ESR1: variants seen among roughly 807,000 people sequenced by gnomAD.
The protein encoded by ESR1 is estrogen receptor.
In ESR1, 12 loss-of-function variants were observed where a neutral mutation model predicts 52.7. The ratio of observed to expected loss-of-function variants is 0.23; its 90% CI spans 0.15 to 0.37. The LOEUF (loss-of-function observed/expected upper bound fraction) is 0.37. Among genes scored for constraint, ESR1 ranks in the 10% least tolerant of loss-of-function variants. ESR1 has a pLI of 1.00. For synonymous variants in ESR1, 305 were observed against 316.8 expected (o/e 0.96, Z 0.39); for missense variants, 584 against 779.7 (o/e 0.75, Z 2.99).
chr6:151,964,449 T>G (rs2128609895), intron 4 of ESR1, among the ~76,000 whole-genome samples: 1 of 152,302 alleles, frequency 6.6e-6, no homozygotes, highest in African/African-American at 2.4e-5. Flanking sequence ...GGAATTGTTT[T>G]CTTAATTTCC....
At chr6:151,734,080 C>T (rs572530264) in intron 2 of ESR1, among the ~76,000 whole-genome samples, 2 of 152,310 alleles carry the variant, frequency 1.3e-5, no homozygotes, top group Non-Finnish European at 2.9e-5. Context: ...AACACCTCAG[C>T]TCACACCAGT....
chr6:151,917,925 A>C (rs964657176), intron 3 of ESR1, among the ~76,000 whole-genome samples: 2 of 152,246 alleles, frequency 1.3e-5, no homozygotes, highest in African/African-American at 4.8e-5. Flanking sequence ...TTTGCAGAAG[A>C]ATTAATTTGA....
chr6:151,692,030 TAAG>T (rs1778985194), intron 1 of ESR1, among the ~76,000 whole-genome samples: 1 of 152,206 alleles, frequency 6.6e-6, no homozygotes, highest in Admixed American at 6.5e-5. Flanking sequence ...AAATTTTCCT[TAAG>T]AATACAAGCG....
chr6:151,863,859 T>C (rs1349480610), intron 2 of ESR1, among the ~76,000 whole-genome samples: 2 of 152,232 alleles, frequency 1.3e-5, no homozygotes, highest in Non-Finnish European at 2.9e-5. Flanking sequence ...GCTAGCCATA[T>C]GTAGAAAGCT....
At chr6:152,096,299 C>T (rs917872090) in intron 7 of ESR1, among the ~76,000 whole-genome samples, 2 of 152,088 alleles carry the variant, frequency 1.3e-5, no homozygotes, top group Non-Finnish European at 2.9e-5. Context: ...TGAGGGAAGG[C>T]CTATGATGTC....
At chr6:151,685,956 T>A (rs1288673767), upstream of ESR1, among the ~76,000 whole-genome samples, 1 of 152,006 alleles carries the variant, frequency 6.6e-6, no homozygotes, top group Non-Finnish European at 1.5e-5. Flanking sequence ...CAGGCAAAAG[T>A]GCAGCGGCAC....
chr6:151,959,002 G>C (rs1025576630), intron 4 of ESR1, among the ~76,000 whole-genome samples: 3 of 152,130 alleles, frequency 2.0e-5, no homozygotes, highest in Non-Finnish European at 4.4e-5. Flanking sequence ...GTGCGTGTGT[G>C]TGTTTACGGA....
At chr6:151,776,853 A>G (rs1325106324) in intron 2 of ESR1, among the ~76,000 whole-genome samples, 7 of 151,000 alleles carry the variant, frequency 4.6e-5, no homozygotes, top group Non-Finnish European at 1.5e-5. Context: ...AAAAAAAAAA[A>G]GGAAAAGAAA....
At chr6:152,015,271 A>T (rs2043083761) in intron 5 of ESR1, among the ~76,000 whole-genome samples, 1 of 152,112 alleles carries the variant, frequency 6.6e-6, no homozygotes, top group Non-Finnish European at 1.5e-5. Context: ...ACGGTTCCTT[A>T]TCAGAGTCAT....
intron 3 of ESR1, among the ~76,000 whole-genome samples, chr6:151,895,250 T>C (rs1054572080): frequency 1.3e-5 from 2 of 152,068 alleles, no homozygotes; most frequent in African/African-American, 4.8e-5. Context: ...TAATTTTGTA[T>C]CCTGAAACTC....
chr6:152,099,112 C>T lies in ESR1; in HGVS notation c.*146C>T. On this transcript the variant is annotated 3_prime_UTR_variant, in exon 8 of 8. Coordinates refer to ENST00000206249, the MANE Select transcript of ESR1 (RefSeq NM_000125.4). ...TTCTAGATGAGTGGCCATTCATTTG[C>T]TTGCTCAGTTCTTAGTGGCACATCT... is the stretch of plus-strand genomic sequence containing the variant. The T allele has an allele frequency of 1.4e-6, 1 of 692,910 alleles. No homozygotes were observed. The highest frequency in any genetic ancestry group is 2.6e-6 in the Non-Finnish European group (1 of 388,336). 42.9% of individuals were successfully genotyped at this position (692,910 alleles called of 1,614,324 possible).
At chr6:151,762,359 T>C (rs140521746) in intron 2 of ESR1, among the ~76,000 whole-genome samples, 44 of 152,336 alleles carry the variant, frequency 2.9e-4, no homozygotes, top group Non-Finnish European at 2.4e-4. Flanking sequence ...GAAACTGTTA[T>C]AGGCTTTGCA....
chr6:151,684,513 G>A (rs1478881873), intron 1 of ESR1, among the ~76,000 whole-genome samples: 1 of 152,206 alleles, frequency 6.6e-6, no homozygotes, highest in African/African-American at 2.4e-5. Context: ...CATTGCAAAA[G>A]TCCAGCTGAG....
chr6:151,740,306 T>TTC (rs1782993417), intron 2 of ESR1, among the ~76,000 whole-genome samples: 2 of 148,018 alleles, frequency 1.4e-5, no homozygotes, highest in South Asian at 4.3e-4. Context: ...TTTTTTTTTT[T>TTC]TGTATTTTTA....
chr6:151,753,924 T>C (rs867336682), intron 2 of ESR1, among the ~76,000 whole-genome samples: 1 of 152,204 alleles, frequency 6.6e-6, no homozygotes, highest in East Asian at 1.9e-4. Context: ...GACATCAGCC[T>C]GCTACTGCGG....
chr6:151,801,208 A>C (rs1777209816), upstream of ESR1, among the ~76,000 whole-genome samples: 1 of 152,194 alleles, frequency 6.6e-6, no homozygotes, highest in African/African-American at 2.4e-5. Context: ...TAAACAACAG[A>C]TAAAGGGAAG....
chr6:152,000,749 G>A (rs1226923832), intron 4 of ESR1, among the ~76,000 whole-genome samples: 1 of 152,002 alleles, frequency 6.6e-6, no homozygotes, highest in Non-Finnish European at 1.5e-5. Context: ...ATGTGCCACT[G>A]TTTTGTATGT....
intron 5 of ESR1, among the ~76,000 whole-genome samples, chr6:152,028,747 A>G (rs1470022867): frequency 1.3e-5 from 2 of 152,228 alleles, no homozygotes; most frequent in African/African-American, 4.8e-5. Flanking sequence ...AAGGCAGCAG[A>G]AACCTCTGCA....
intron 4 of ESR1, among the ~76,000 whole-genome samples, chr6:151,946,389 T>C (rs1024456158): frequency 6.6e-6 from 1 of 152,170 alleles, no homozygotes; most frequent in Non-Finnish European, 1.5e-5. Flanking sequence ...TTTAAACAAC[T>C]GGAATTAAGC....
Sources: gnomAD v4.1 joint callset for allele counts (sites outside exome capture counted in the v4.1 genomes callset) on GRCh38, gnomAD v4.1.1 for gene constraint, MANE v1.5 for transcripts, NCBI Gene and HGNC (gene_info 2026-07-23, HGNC 2026-07-21) for gene names.